GNG4: variants seen among roughly 807,000 people sequenced by gnomAD.
GNG4 encodes G protein subunit gamma 4.
A neutral mutation model predicts 5.8 loss-of-function variants in GNG4; 4 were observed. The ratio of observed to expected loss-of-function variants is 0.69; its 90% CI spans 0.34 to 1.57. GNG4 has a LOEUF of 1.57. Among genes scored for constraint, GNG4 ranks in the 40% most tolerant of loss-of-function variants. The probability of loss-of-function intolerance (pLI) is 0.06; values close to 1 mark genes in which losing one functional copy is unlikely to be tolerated. For synonymous variants in GNG4, 29 were observed against 32.9 expected (o/e 0.88, Z 0.41); for missense variants, 96 against 95.1 (o/e 1.01, Z -0.04).
intron 3 of GNG4, among the ~76,000 whole-genome samples, chr1:235,556,821 CTTGT>C (rs929232633): frequency 6.6e-6 from 1 of 151,858 alleles, no homozygotes; most frequent in African/African-American, 2.4e-5. Context: ...GAGGCCTGAG[CTTGT>C]TTTTCTGCAA....
intron 3 of GNG4, among the ~76,000 whole-genome samples, chr1:235,553,584 T>C (rs1686813406): frequency 6.6e-6 from 1 of 152,248 alleles, no homozygotes; most frequent in Admixed American, 6.5e-5. Flanking sequence ...GAGATTCTTC[T>C]GATTTTCAGA....
At chr1:235,618,516 C>A (rs1688643090) in intron 1 of GNG4, among the ~76,000 whole-genome samples, 1 of 152,036 alleles carries the variant, frequency 6.6e-6, no homozygotes, top group Admixed American at 6.5e-5. Context: ...GTTTCTTTAG[C>A]CAATTTGGGA....
At chr1:235,646,824 GCTCA>G (rs1444067187) in intron 1 of GNG4, among the ~76,000 whole-genome samples, 3 of 152,210 alleles carry the variant, frequency 2.0e-5, no homozygotes, top group African/African-American at 7.2e-5. Context: ...GCTCCAGCAA[GCTCA>G]CTGAACTGAT....
rs776006192 is a variant in GNG4, at chr1:235,644,966, C to T, written c.-123+4696G>A. Among the ~76,000 whole-genome samples, 15 of 152,172 alleles carry T rather than the reference C, an allele frequency of 9.9e-5. No individual in the cohort carries two copies. Among genetic ancestry groups the T allele is most frequent in the African/African-American group, 2.7e-4 (11 of 41,444 alleles). Reference sequence around the variant, plus strand: ...GATGCAGCAGCAGACACTCCGTCCACATGGGCCCCGGGCCGCCAGAGACCC... The same window carrying T: ...GATGCAGCAGCAGACACTCCGTCCATATGGGCCCCGGGCCGCCAGAGACCC... On this transcript the variant is annotated intron_variant, in intron 1 of 3. Coordinates refer to ENST00000391854, the MANE Select transcript of GNG4 (RefSeq NM_001098722.2). This position sits in a 1 kb window ranked among gnomAD's most constrained non-coding sequence, Gnocchi z 5.9.
intron 1 of GNG4, chr1:235,616,242 T>C: frequency 2.0e-6 from 1 of 508,996 alleles, no homozygotes; most frequent in South Asian, 1.5e-5. Flanking sequence ...AATATTGCTG[T>C]GGTTGATATG....
At chr1:235,625,748 G>C (rs1423197024) in intron 1 of GNG4, among the ~76,000 whole-genome samples, 4 of 152,134 alleles carry the variant, frequency 2.6e-5, no homozygotes, top group African/African-American at 9.7e-5. Flanking sequence ...CCTCTATGTT[G>C]TGTCATGACT....
rs536587775 is a variant in GNG4 at position 235,644,987 on chromosome 1, G to A, written c.-123+4675C>T. Among the ~76,000 whole-genome samples the A allele has an allele frequency of 6.6e-6, 1 of 152,272 alleles. No individual in the cohort carries two copies. The highest frequency in any genetic ancestry group is 2.1e-4 in the South Asian group (1 of 4,830). ...TCCACATGGGCCCCGGGCCGCCAGA[G>A]ACCCCAGGGCCCACGTGGACGTGTG... On this transcript the variant is annotated intron_variant, in intron 1 of 3. Transcript: ENST00000391854. The surrounding 1 kb of genome is among the most constrained non-coding windows in gnomAD (Gnocchi z 5.9).
chr1:235,615,660 C>A, intron 1 of GNG4: 1 of 216,456 alleles, frequency 4.6e-6, no homozygotes, highest in East Asian at 1.2e-4. Context: ...TTTCAGAGAT[C>A]TTGAAGATGT....
chr1:235,588,130 C>A (rs1244863003), intron 2 of GNG4, among the ~76,000 whole-genome samples: 1 of 152,052 alleles, frequency 6.6e-6, no homozygotes, highest in Non-Finnish European at 1.5e-5. Flanking sequence ...AAGAAGGGCT[C>A]GTTTTCCACA....
intron 3 of GNG4, among the ~76,000 whole-genome samples, chr1:235,567,429 C>G (rs1302990922): frequency 6.6e-6 from 1 of 152,136 alleles, no homozygotes; most frequent in Non-Finnish European, 1.5e-5. Flanking sequence ...CCAGAACTTG[C>G]AAAACTGAAA....
At chr1:235,587,295 T>TGA (rs1448027575) in intron 2 of GNG4, among the ~76,000 whole-genome samples, 3 of 75,074 alleles carry the variant, frequency 4.0e-5, no homozygotes, top group Admixed American at 3.0e-4. Context: ...TGGGTTGGGG[T>TGA]GTGTGTGAGG....
chr1:235,561,601 G>A (rs1279428158), intron 3 of GNG4, among the ~76,000 whole-genome samples: 1 of 151,688 alleles, frequency 6.6e-6, no homozygotes, highest in Non-Finnish European at 1.5e-5. Context: ...CACCATATTG[G>A]CCAGGCTGGT....
At chr1:235,620,725 C>T (rs970640650) in intron 1 of GNG4, among the ~76,000 whole-genome samples, 6 of 152,086 alleles carry the variant, frequency 3.9e-5, no homozygotes, top group Admixed American at 3.9e-4. Context: ...TTAGTAGAGA[C>T]AGGGTTTCAC....
Position 235,552,185 on chromosome 1 carries a change from T to C in GNG4, c.152A>G (p.Glu51Gly), listed in dbSNP as rs754698017. The C allele has an allele frequency of 5.6e-6, 9 of 1,613,978 alleles. No individual in the cohort carries two copies. The highest frequency in any genetic ancestry group is 7.6e-6 in the Non-Finnish European group (9 of 1,179,828). Reference sequence around the variant, plus strand: ...AGGCACTGGAATGATGAGAGGATCTTCCCGCACGTGAGCTTCACAGTAGGC... The same window carrying C: ...AGGCACTGGAATGATGAGAGGATCTCCCCGCACGTGAGCTTCACAGTAGGC... ...LLAYCEAHVR[E>G]DPLIIPVPAS... Residue 51 changes from glutamate (E) to glycine (G), a missense_variant, in exon 4 of 4, where the codon GAA becomes GGA. By Grantham distance (98) the Glu-to-Gly change is moderately conservative. Transcript: ENST00000391854.
intron 3 of GNG4, among the ~76,000 whole-genome samples, chr1:235,570,925 C>T (rs1428110075): frequency 1.8e-4 from 22 of 124,358 alleles, no homozygotes; most frequent in Non-Finnish European, 3.1e-4. Flanking sequence ...TATATATATA[C>T]ACACACACAC....
intron 1 of GNG4, among the ~76,000 whole-genome samples, chr1:235,620,523 A>AGTTTGTTT (rs113018319): frequency 6.6e-6 from 1 of 151,948 alleles, no homozygotes; most frequent in Admixed American, 6.5e-5. Context: ...TTGAATGTGC[A>AGTTTGTTT]GTTTGTTTGT....
At chr1:235,556,642 G>A (rs12064777) in intron 3 of GNG4, among the ~76,000 whole-genome samples, 241 of 151,968 alleles carry the variant, frequency 1.6e-3, no homozygotes, top group African/African-American at 5.5e-3. Flanking sequence ...TTTTCGGCAC[G>A]AGGGAGTGGT....
Position 235,617,905 on chromosome 1 carries a change from A to AG in GNG4, c.-122-22395_-122-22394insC, listed in dbSNP as rs539251784. On this transcript the variant is annotated intron_variant, in intron 1 of 3. Transcript: ENST00000391854. ...GCCTCTATCTAAAAAAAAAAAAAAAAAAAGAAAGAAAAGAAAAGACAAGAC... is the reference window on the plus strand; with the variant it reads ...GCCTCTATCTAAAAAAAAAAAAAAAAGAAAGAAAGAAAAGAAAAGACAAGAC... 1.3e-4 allele frequency among the ~76,000 whole-genome samples: 20 copies of AG among 151,676 alleles called. No individual in the cohort carries two copies. The South Asian group carries it at 3.1e-3, about 24-fold the overall frequency.
At chr1:235,589,693 C>T (rs950788787) in intron 2 of GNG4, among the ~76,000 whole-genome samples, 1 of 152,092 alleles carries the variant, frequency 6.6e-6, no homozygotes, top group African/African-American at 2.4e-5. Flanking sequence ...GGTTTTCCTC[C>T]CCGACGGAGG....
Sources: allele counts gnomAD v4.1 joint callset (sites outside exome capture counted in the v4.1 genomes callset), GRCh38; gene constraint gnomAD v4.1.1; non-coding constraint Gnocchi (gnomAD v3.1); transcripts MANE v1.5; gene names NCBI Gene and HGNC (gene_info 2026-07-23, HGNC 2026-07-21).